ZNF638: variants seen among roughly 807,000 people sequenced by gnomAD.
ZNF638 encodes the protein CTCL tumor antigen se33-1.
In ZNF638, 46 loss-of-function variants were observed where a neutral mutation model predicts 195.6. That is an observed-to-expected ratio of 0.24 (90% CI 0.19 to 0.30). ZNF638 has a LOEUF of 0.30. ZNF638 is among the 10% of genes least tolerant of loss of function. The probability of loss-of-function intolerance (pLI) is 1.00; values close to 1 mark genes in which losing one functional copy is unlikely to be tolerated. For missense variants in ZNF638, 2,440 were observed against 2,325.3 expected, an observed-to-expected ratio of 1.05 and a Z score of -1.01; for synonymous variants, 845 against 772.0, an observed-to-expected ratio of 1.09 and a Z score of -1.57.
intron 23 of ZNF638, among the ~76,000 whole-genome samples, chr2:71,425,596 T>C (rs1352318305): frequency 6.6e-6 from 1 of 152,170 alleles, no homozygotes; most frequent in Non-Finnish European, 1.5e-5. Context: ...TCAAATACAG[T>C]TATGTTAGTC....
chr2:71,332,775 A>G (rs779593214), intron 1 of ZNF638: 2 of 152,208 alleles, frequency 1.3e-5, no homozygotes, highest in Admixed American at 6.5e-5. Flanking sequence ...GGATTGAGCT[A>G]TAGAGTGAAG....
chr2:71,333,275 A>G (rs2078605266), intron 1 of ZNF638, among the ~76,000 whole-genome samples: 1 of 152,222 alleles, frequency 6.6e-6, no homozygotes, highest in South Asian at 2.1e-4. Flanking sequence ...AGGGCGTCCC[A>G]GCATGTTATA....
chr2:71,391,295 C>T (rs911816831), intron 10 of ZNF638, among the ~76,000 whole-genome samples: 1 of 152,190 alleles, frequency 6.6e-6, no homozygotes, highest in Non-Finnish European at 1.5e-5. Context: ...TGCTTTAATA[C>T]TATTCCCCTT....
intron 14 of ZNF638, 65 bp from the exon 15 acceptor site, chr2:71,400,413 T>C: frequency 2.0e-6 from 3 of 1,477,714 alleles, no homozygotes; most frequent in Non-Finnish European, 2.8e-6. Context: ...GTTTAACCTA[T>C]TGTGGAATAA....
chr2:71,367,640 C>T (rs1323603662), intron 6 of ZNF638, among the ~76,000 whole-genome samples: 2 of 151,360 alleles, frequency 1.3e-5, no homozygotes, highest in African/African-American at 2.4e-5. Flanking sequence ...GGGGTTTCAC[C>T]GTGTTGGTCA....
intron 10 of ZNF638, chr2:71,395,350 G>T: frequency 1.4e-6 from 1 of 713,796 alleles, no homozygotes; most frequent in East Asian, 2.7e-5. Flanking sequence ...AAAACAAAAG[G>T]GGGAGATGTA....
intron 21 of ZNF638, among the ~76,000 whole-genome samples, chr2:71,419,966 C>CG (rs1220510132): frequency 1.7e-5 from 1 of 59,544 alleles, no homozygotes; most frequent in Admixed American, 1.9e-4. Context: ...ATTCCCACCC[C>CG]CCCCCGCCTT....
At chr2:71,347,654 T>C (rs2078872901) in intron 1 of ZNF638, among the ~76,000 whole-genome samples, 1 of 152,218 alleles carries the variant, frequency 6.6e-6, no homozygotes, top group Non-Finnish European at 1.5e-5. Context: ...TTTTTAATTG[T>C]AGAAAAGGCA....
At chr2:71,426,353 A>G in intron 23 of ZNF638, 107 bp from the exon 24 acceptor site, 1 of 824,630 alleles carries the variant, frequency 1.2e-6, no homozygotes, top group East Asian at 2.6e-5. Context: ...ACTAATTTGC[A>G]CTGAAATTCT....
intron 12 of ZNF638, 101 bp downstream of exon 12, chr2:71,398,873 A>G (rs1194722230): frequency 6.6e-6 from 7 of 1,061,216 alleles, no homozygotes; most frequent in Non-Finnish European, 9.6e-6. Flanking sequence ...AGTTTAGTAG[A>G]TATTTCCTTG....
rs770836192 is a variant in ZNF638, at chr2:71,422,981, G to A, written c.3467G>A (p.Cys1156Tyr). The A allele has an allele frequency of 6.2e-7, 1 of 1,614,146 alleles. No individual in the cohort carries two copies. The highest frequency in any genetic ancestry group is 1.3e-5 in the African/African-American group (1 of 75,052). ...PCEEEAEKAT[C>Y]DSDFAVETLE... ...GAGGAAGAAGCTGAAAAAGCAACAT[G>A]TGATTCTGACTTTGCTGTTGAAACT... The change falls in exon 22 of 28, where the codon TGT becomes TAT. Residue 1156 changes from cysteine to tyrosine, a missense_variant. Around this residue, in one of 5 missense-constraint regions of ZNF638, gnomAD observed 1,883 missense variants for 1,739.1 expected, o/e 1.08. Coordinates refer to ENST00000264447, the MANE Select transcript of ZNF638 (RefSeq NM_014497.5).
rs948550465 is a variant in ZNF638 at position 71,389,766 on chromosome 2, A to G, written c.2378-6375A>G. On this transcript the variant is annotated intron_variant, in intron 10 of 27. Transcript: ENST00000264447. ...CAGGAGCCATTTTTTGAATTTATCA[A>G]TCGGTTAACCCAGGCAATTAAGAGA... Among the ~76,000 whole-genome samples the G allele has an allele frequency of 2.0e-4, 30 of 152,208 alleles. 1 individual carries two copies. The highest frequency in any genetic ancestry group is 5.2e-4 in the Admixed American group (8 of 15,288).
chr2:71,408,480 A>C (rs1018919705), intron 20 of ZNF638: 2 of 440,534 alleles, frequency 4.5e-6, no homozygotes, highest in Non-Finnish European at 8.0e-6. Context: ...TACTGTTGAC[A>C]TGTAGGTATC....
rs141088778 is a variant in ZNF638 at position 71,350,165 on chromosome 2, T to G, written c.1211T>G (p.Met404Arg). 6.2e-7 allele frequency: 1 copy of G among 1,613,326 alleles called. No individual in the cohort carries two copies. The highest frequency in any genetic ancestry group is 8.5e-7 in the Non-Finnish European group (1 of 1,180,042). The part of the protein sequence containing the change: ...PKFSHADAQK[M>R]KRLPTPSMMN... Reference sequence around the variant, plus strand: ...TTTTCACATGCTGATGCCCAGAAGATGAAGAGACTTCCAACTCCTTCTATG... The same window carrying G: ...TTTTCACATGCTGATGCCCAGAAGAGGAAGAGACTTCCAACTCCTTCTATG... The change falls in exon 2 of 28, where the codon ATG becomes AGG. Residue 404 changes from methionine (M) to arginine (R), a missense_variant. Met to Arg is a moderately conservative substitution (Grantham distance 91). Around this residue, in one of 5 missense-constraint regions of ZNF638, gnomAD observed 305 missense variants for 283.6 expected, o/e 1.08. Transcript: ENST00000264447.
At chr2:71,405,054 G>GA in intron 17 of ZNF638, among the ~76,000 whole-genome samples, 1 of 151,570 alleles carries the variant, frequency 6.6e-6, no homozygotes, top group South Asian at 2.1e-4. Context: ...GTATCAACAA[G>GA]AAAAAAAAAG....
chr2:71,433,063 G>C, intron 26 of ZNF638, 102 bp from the exon 27 acceptor site: 2 of 959,434 alleles, frequency 2.1e-6, no homozygotes, highest in Non-Finnish European at 3.3e-6. Flanking sequence ...CTCCAACCTG[G>C]ATGACAGAGT....
intron 1 of ZNF638, among the ~76,000 whole-genome samples, chr2:71,348,031 T>C (rs1302663235): frequency 6.6e-6 from 1 of 152,192 alleles, no homozygotes; most frequent in Admixed American, 6.5e-5. Context: ...GTGCTCTATA[T>C]AGTTAATCAT....
At chr2:71,414,003 A>G (rs1170253241) in intron 20 of ZNF638, among the ~76,000 whole-genome samples, 1 of 105,106 alleles carries the variant, frequency 9.5e-6, no homozygotes, top group Non-Finnish European at 1.9e-5. Flanking sequence ...AAAATGAGTT[A>G]GGGAGGATTC....
chr2:71,357,653 TTAGTG>T (rs768647021), intron 3 of ZNF638, among the ~76,000 whole-genome samples: 1 of 152,190 alleles, frequency 6.6e-6, no homozygotes, highest in Non-Finnish European at 1.5e-5. Context: ...ATTAAAGCCT[TTAGTG>T]TAGGTAAGCC....
Sources: gnomAD v4.1 joint callset for allele counts (sites outside exome capture counted in the v4.1 genomes callset) on GRCh38, gnomAD v4.1.1 for gene constraint, gnomAD v4.1.1 regional missense constraint, MANE v1.5 for transcripts, NCBI Gene and HGNC (gene_info 2026-07-23, HGNC 2026-07-21) for gene names.